Variants in HSBP1L1 observed in about 807,000 individuals in gnomAD.
HSBP1L1 encodes the protein heat shock factor-binding protein 1-like protein 1.
In HSBP1L1, 8 loss-of-function variants were observed where a neutral mutation model predicts 9.7. The observed-to-expected ratio is 0.82, with a 90% CI of 0.48 to 1.48. The LOEUF is 1.48. Among genes scored for constraint, HSBP1L1 ranks in the 40% most tolerant of loss-of-function variants. The probability of loss-of-function intolerance (pLI) is 0.00; values close to 1 mark genes in which losing one functional copy is unlikely to be tolerated. For missense variants in HSBP1L1, 106 were observed against 95.8 expected, an observed-to-expected ratio of 1.11 and a Z score of -0.44; for synonymous variants, 39 against 34.4, an observed-to-expected ratio of 1.13 and a Z score of -0.46.
chr18:79,969,731 A>G (rs950612667), intron 3 of HSBP1L1, among the ~76,000 whole-genome samples: 1 of 138,622 alleles, frequency 7.2e-6, no homozygotes, highest in African/African-American at 2.5e-5. Context: ...CAGTGGCCCC[A>G]TACTCTGTAG....
chr18:79,969,574 T>C (rs2051284116), intron 3 of HSBP1L1, among the ~76,000 whole-genome samples: 2 of 152,160 alleles, frequency 1.3e-5, no homozygotes, highest in Admixed American at 1.3e-4. Flanking sequence ...GTGCTCTGAT[T>C]CTGCTGGTGG....
At chr18:79,969,176 G>A (rs908886494) in intron 3 of HSBP1L1, among the ~76,000 whole-genome samples, 7 of 130,646 alleles carry the variant, frequency 5.4e-5, no homozygotes, top group African/African-American at 2.0e-4. Context: ...GCGACAGAGC[G>A]AGACAACATG....
In HSBP1L1 at chr18:79,968,073, C is replaced by G. The variant is rs1176160827; in HGVS notation, c.119-16C>G. On this transcript the variant is annotated splice_polypyrimidine_tract_variant and intron_variant, in intron 2 of 3. Transcript: ENST00000451882. Reference sequence around the variant, plus strand: ...CTCTGGACTCCAGCTCTACGCAGAGCGCCTTAACACTGTACTGGAAGAAAT... The same window carrying G: ...CTCTGGACTCCAGCTCTACGCAGAGGGCCTTAACACTGTACTGGAAGAAAT... 6.7e-7 allele frequency: 1 copy of G among 1,498,732 alleles called. No homozygotes were observed. Among genetic ancestry groups the G allele is most frequent in the African/African-American group, 1.4e-5 (1 of 72,258 alleles). The allele number at this position is 1,498,732 out of a possible 1,614,324, so 92.8% of individuals were successfully genotyped here.
At chr18:79,969,369 AAG>A (rs1447057924) in intron 3 of HSBP1L1, among the ~76,000 whole-genome samples, 3 of 50,236 alleles carry the variant, frequency 6.0e-5, no homozygotes, top group Non-Finnish European at 1.5e-4. Context: ...GAAAGAAAGA[AAG>A]AAAGAAAGAA....
At position 79,966,628 on chromosome 18, in the gene HSBP1L1, AG is replaced by A; in HGVS notation, c.70del (p.Glu24AsnfsTer9). The A allele has an allele frequency of 1.3e-6, 2 of 1,550,152 alleles. 1 individual carries two copies. The highest frequency in any genetic ancestry group is 2.4e-5 in the South Asian group (2 of 83,926). On this transcript the variant is annotated frameshift_variant, in exon 2 of 4. Transcript: ENST00000451882. LOFTEE classifies it high-confidence loss of function. ...TTTTTTCAGGCAGAAAATCTATTTCAGGAACTTCAGGAACATTTTCAAGCTC... is the reference window on the plus strand; with the variant it reads ...TTTTTTCAGGCAGAAAATCTATTTCAGAACTTCAGGAACATTTTCAAGCTC... ...ALRDAAENLFQELQEHFQALT... is the reference protein window; with the variant it reads ...ALRDAAENLFXELQEHFQALT...
At position 79,970,452 on chromosome 18, in the gene HSBP1L1, C is replaced by A. The variant is rs1334684107; in HGVS notation, c.*1C>A. ...TCTCCCTAAATAGCTGAAGACCTAA[C>A]TGCAGCATGTCTGTATTTGGAGATG... On this transcript the variant is annotated 3_prime_UTR_variant, in exon 4 of 4. Transcript: ENST00000451882. The A allele has an allele frequency of 1.4e-6, 1 of 718,592 alleles. No individual in the cohort carries two copies. The highest frequency in any genetic ancestry group is 2.7e-5 in the East Asian group (1 of 37,298). The allele number at this position is 718,592 out of a possible 1,614,324, so 44.5% of individuals were successfully genotyped here. A position where few individuals can be genotyped will look rare whatever the true frequency, so the allele number is the denominator to read the frequency against.
intron 3 of HSBP1L1, 105 bp downstream of exon 3, chr18:79,968,288 GTGC>G (rs774389132): frequency 2.9e-6 from 2 of 684,346 alleles, no homozygotes; most frequent in Non-Finnish European, 5.0e-6. Context: ...TGCTGCCTCT[GTGC>G]TGCATGAAAA....
rs938202358 is a variant in HSBP1L1, at chr18:79,970,210, G to T, written c.214-230G>T. ...TTCTTCTCTGCCAAATATCTACCTG[G>T]TAAGTGGTTGTAAGGATTTAAGAAA... On this transcript the variant is annotated intron_variant, in intron 3 of 3. Transcript: ENST00000451882. The T allele has an allele frequency of 7.3e-5, 35 of 477,508 alleles. No individual in the cohort carries two copies. The Admixed American group carries it at 7.9e-4, about 11-fold the overall frequency. The allele number at this position is 477,508 out of a possible 1,614,324, so 29.6% of individuals were successfully genotyped here.
rs2051274213 is a variant in HSBP1L1 at position 79,969,230 on chromosome 18, AGAGAGGAGAGAGAG to A, written c.213+1062_213+1075del. On this transcript the variant is annotated intron_variant, in intron 3 of 3. Transcript: ENST00000451882. ...AAAGAAAGAAAGAAAGAAAGAGGAG[AGAGAGGAGAGAGAG>A]GAGAGGAGAGAGAGAGAGGGAGGGA... Among the ~76,000 whole-genome samples the A allele has an allele frequency of 3.5e-5, 3 of 86,684 alleles. No individual in the cohort carries two copies. The South Asian group carries it at 2.0e-3, about 58-fold the overall frequency. The allele number at this position is 86,684 out of a possible 152,430, so 56.9% of individuals were successfully genotyped here. A position where few individuals can be genotyped will look rare whatever the true frequency, so the allele number is the denominator to read the frequency against.
At position 79,970,459 on chromosome 18, in the gene HSBP1L1, A is replaced by AT. The variant is rs1467228186; in HGVS notation, c.*9dup. 1.4e-6 allele frequency: 1 copy of AT among 718,568 alleles called. No homozygotes were observed. Among genetic ancestry groups the AT allele is most frequent in the Non-Finnish European group, 2.6e-6 (1 of 385,048 alleles). The allele number at this position is 718,568 out of a possible 1,614,324, so 44.5% of individuals were successfully genotyped here. ...AAATAGCTGAAGACCTAACTGCAGC[A>AT]TGTCTGTATTTGGAGATGGGGCCTC... On this transcript the variant is annotated 3_prime_UTR_variant, in exon 4 of 4. Transcript: ENST00000451882.
chr18:79,966,795 T>C (rs775252140), intron 2 of HSBP1L1, 117 bp downstream of exon 2: 9 of 769,004 alleles, frequency 1.2e-5, no homozygotes, highest in African/African-American at 1.8e-5. Context: ...TTTCCCAGTA[T>C]TTACTTCTGT....
rs1273232047 is a variant in HSBP1L1 at position 79,964,683 on chromosome 18, G to C, written c.-53G>C. On this transcript the variant is annotated 5_prime_UTR_variant, in exon 1 of 4. Coordinates refer to ENST00000451882, the MANE Select transcript of HSBP1L1 (RefSeq NM_001136180.2). ...AGCTTAGCTGTCGCCACCTCGCGCC[G>C]GGTCCGCGCGGCCCACGGGACCCCC... 5.3e-6 allele frequency: 6 copies of C among 1,133,210 alleles called. No homozygotes were observed. The African/African-American group carries it at 6.6e-5, about 12-fold the overall frequency. 70.2% of individuals were successfully genotyped at this position (1,133,210 alleles called of 1,614,324 possible). A position where few individuals can be genotyped will look rare whatever the true frequency, so the allele number is the denominator to read the frequency against.
chr18:79,970,093 G>C, intron 3 of HSBP1L1: 1 of 242,476 alleles, frequency 4.1e-6, no homozygotes, highest in Non-Finnish European at 8.4e-6. Flanking sequence ...CAGTGCCACA[G>C]ACGAGGCAAG....
rs897608565 is a variant in HSBP1L1, at chr18:79,968,193, T to C, written c.213+10T>C. 8.8e-6 allele frequency: 13 copies of C among 1,472,132 alleles called. No homozygotes were observed. The highest frequency in any genetic ancestry group is 1.1e-5 in the Non-Finnish European group (12 of 1,076,440). 91.2% of individuals were successfully genotyped at this position (1,472,132 alleles called of 1,614,324 possible). On this transcript the variant is annotated intron_variant, in intron 3 of 3. Transcript: ENST00000451882. The stretch of plus-strand genomic sequence containing the variant: ...TATTAAAGAACAAATGGTAAGGTTA[T>C]TAGCAAACTATGTCAACCGTTTTCG...
At chr18:79,965,931 TTTTTTA>T (rs2051254354) in intron 1 of HSBP1L1, among the ~76,000 whole-genome samples, 1 of 152,146 alleles carries the variant, frequency 6.6e-6, no homozygotes, top group African/African-American at 2.4e-5. Context: ...GATATTTATT[TTTTTTA>T]TTTTTATTTT....
At chr18:79,967,274 C>T (rs2051262563) in intron 2 of HSBP1L1, among the ~76,000 whole-genome samples, 1 of 152,078 alleles carries the variant, frequency 6.6e-6, no homozygotes, top group Non-Finnish European at 1.5e-5. Context: ...CAGTCCCCAA[C>T]CGGACAGTGC....
chr18:79,964,695 CCCACGGGA>C lies in HSBP1L1; in HGVS notation c.-38_-31del. 2.3e-6 allele frequency: 3 copies of C among 1,281,970 alleles called. No homozygotes were observed. The highest frequency in any genetic ancestry group is 3.1e-6 in the Non-Finnish European group (3 of 966,734). The allele number at this position is 1,281,970 out of a possible 1,614,324, so 79.4% of individuals were successfully genotyped here. On this transcript the variant is annotated 5_prime_UTR_variant, in exon 1 of 4. Coordinates refer to ENST00000451882, the MANE Select transcript of HSBP1L1 (RefSeq NM_001136180.2). Reference sequence around the variant, plus strand: ...GCCACCTCGCGCCGGGTCCGCGCGGCCCACGGGACCCCCCACTGACGCCCCCGGCCAGC... The same window carrying C: ...GCCACCTCGCGCCGGGTCCGCGCGGCCCCCCCACTGACGCCCCCGGCCAGC...
At chr18:79,966,392 A>G (rs2051257323) in intron 1 of HSBP1L1, among the ~76,000 whole-genome samples, 1 of 152,142 alleles carries the variant, frequency 6.6e-6, no homozygotes, top group African/African-American at 2.4e-5. Context: ...GAAAGTATAA[A>G]CATTAGCTGG....
At position 79,970,611 on chromosome 18, in the gene HSBP1L1, C is replaced by A; in HGVS notation, c.*160C>A. On this transcript the variant is annotated 3_prime_UTR_variant, in exon 4 of 4. Transcript: ENST00000451882. ...TCCGTGCCTGCACCAGAGAAGGAGG[C>A]CATCGGCAAGCCAAGGAGAGCCCTC... 1.6e-6 allele frequency: 1 copy of A among 617,698 alleles called. No homozygotes were observed. Among genetic ancestry groups the A allele is most frequent in the Non-Finnish European group, 3.0e-6 (1 of 332,858 alleles). 38.3% of individuals were successfully genotyped at this position (617,698 alleles called of 1,614,324 possible).
Sources: allele counts gnomAD v4.1 joint callset (sites outside exome capture counted in the v4.1 genomes callset), GRCh38; gene constraint gnomAD v4.1.1; transcripts MANE v1.5; gene names NCBI Gene and HGNC (gene_info 2026-07-23, HGNC 2026-07-21).